The following PCF11 variants were observed in gnomAD, a reference collection of about 807,000 sequenced individuals.
PCF11 encodes PCF11 cleavage and polyadenylation factor subunit.
Under a neutral mutation model 166.1 loss-of-function variants are expected in PCF11, and 19 were observed. That is an observed-to-expected ratio of 0.11 (90% CI 0.08 to 0.17). PCF11 has a LOEUF of 0.17. Among genes scored for constraint, PCF11 ranks in the 10% least tolerant of loss-of-function variants. PCF11 has a pLI of 1.00. For missense variants in PCF11, 1,565 were observed against 1,855.5 expected (o/e 0.84, Z 2.88); for synonymous variants, 663 against 644.1 (o/e 1.03, Z -0.44).
At chr11:83,169,089 G>C in exon 8 of PCF11, 4 of 1,613,742 alleles carry the variant, frequency 2.5e-6, no homozygotes, top group East Asian at 2.2e-5. Context: ...TTAGATTTGA[G>C]GGGGGTCATG....
At chr11:83,181,136 C>T (rs1383479194) in exon 12 of PCF11, 4 of 1,611,100 alleles carry the variant, frequency 2.5e-6, no homozygotes, top group Admixed American at 1.7e-5. Flanking sequence ...CAAAATAGAA[C>T]TGAAAAGGAT....
Position 83,167,393 on chromosome 11 carries a change from T to G in PCF11, c.2002-22T>G, listed in dbSNP as rs1365906609. 4.5e-6 allele frequency: 7 copies of G among 1,539,018 alleles called. No individual in the cohort carries two copies. The South Asian group carries it at 9.0e-5, about 20-fold the overall frequency. On this transcript the variant is annotated intron_variant, in intron 6 of 15. Coordinates refer to ENST00000298281, the Ensembl canonical transcript of PCF11. This position sits in a 1 kb window ranked among gnomAD's most constrained non-coding sequence, Gnocchi z 4.2. The stretch of plus-strand genomic sequence containing the variant: ...TTTTTTATATTTAAAATATTTTATT[T>G]CCTTTTATCACCCCTATACAGACGA...
At chr11:83,159,266 C>T (rs552293066) in intron 1 of PCF11, among the ~76,000 whole-genome samples, 1 of 151,944 alleles carries the variant, frequency 6.6e-6, no homozygotes, top group Non-Finnish European at 1.5e-5. Flanking sequence ...TTTATTGATA[C>T]CACAAACATC....
At chr11:83,183,133 G>A in intron 15 of PCF11, 60 bp downstream of exon 15, 4 of 854,222 alleles carry the variant, frequency 4.7e-6, no homozygotes, top group Non-Finnish European at 6.9e-6. Flanking sequence ...TTACTTTTCA[G>A]TTTTTTTTTT....
chr11:83,173,462 A>C (rs1000937260), intron 9 of PCF11, among the ~76,000 whole-genome samples: 6 of 151,472 alleles, frequency 4.0e-5, no homozygotes, highest in Non-Finnish European at 8.8e-5. Context: ...TCAGAAAAAA[A>C]ACCAAAAACC....
chr11:83,166,000 C>T (rs776407386), exon 5 of PCF11: 3 of 1,597,384 alleles, frequency 1.9e-6, no homozygotes, highest in South Asian at 1.1e-5. Flanking sequence ...AAATCGAAAT[C>T]GAAATCACCC....
At chr11:83,157,750 C>A (rs1590916233) in intron 1 of PCF11, 119 bp downstream of exon 1, 1 of 880,254 alleles carries the variant, frequency 1.1e-6, no homozygotes. Context: ...CCAACCCCCC[C>A]ACCCCCCTCC....
At chr11:83,166,006 C>T (rs1273490942) in exon 5 of PCF11, 1 of 1,598,990 alleles carries the variant, frequency 6.3e-7, no homozygotes, top group Non-Finnish European at 8.5e-7. Context: ...AAATCGAAAT[C>T]ACCCTCACCT....
At position 83,184,594 on chromosome 11, in the gene PCF11, A is replaced by G. The variant is rs545377406; in HGVS notation, c.4453-85A>G. 4.5e-6 allele frequency: 4 copies of G among 892,496 alleles called. No homozygotes were observed. In the African/African-American group the frequency reaches 6.7e-5, roughly 15 times the overall value. The allele number at this position is 892,496 out of a possible 1,614,324, so 55.3% of individuals were successfully genotyped here. On this transcript the variant is annotated intron_variant, in intron 15 of 15. Coordinates refer to ENST00000298281, the Ensembl canonical transcript of PCF11. Reference sequence around the variant, plus strand: ...TGGTTGTATGTGTGTTCTCTTGTTCATACAAGGGTCTTACAAGACTAAATG... The same window carrying G: ...TGGTTGTATGTGTGTTCTCTTGTTCGTACAAGGGTCTTACAAGACTAAATG...
intron 9 of PCF11, among the ~76,000 whole-genome samples, chr11:83,176,661 G>A (rs1398931123): frequency 6.9e-6 from 1 of 145,796 alleles, no homozygotes; most frequent in Non-Finnish European, 1.5e-5. Flanking sequence ...ACAGGGCAGG[G>A]AACATCACAC....
At chr11:83,169,185 A>G (rs761463550) in exon 8 of PCF11, 2 of 1,612,698 alleles carry the variant, frequency 1.2e-6, no homozygotes, top group Admixed American at 1.7e-5. Flanking sequence ...TGCTACAGCA[A>G]GGGGTTGGAA....
In PCF11 at chr11:83,167,154, C is replaced by T. The variant is rs757497855; in HGVS notation, c.1847C>T (p.Pro616Leu). 4 of 1,613,158 alleles carry T rather than the reference C, an allele frequency of 2.5e-6. No homozygotes were observed. The South Asian group carries it at 3.3e-5, about 13-fold the overall frequency. The change falls in exon 6 of 16, where the codon CCT becomes CTT. Residue 616 changes from proline to leucine, a missense_variant. By Grantham distance (98) the Pro-to-Leu change is moderately conservative (BLOSUM62 -3). This residue lies in a region of PCF11 where 468 missense variants were observed against 483.4 expected (regional missense o/e 0.97). Coordinates refer to ENST00000298281, the Ensembl canonical transcript of PCF11. This position sits in a 1 kb window ranked among gnomAD's most constrained non-coding sequence, Gnocchi z 4.2. ...CAACAGGTTGATGAACATAGTAAAC[C>T]TCCTCATCTGAGGCATAGGGAGAGC...
Position 83,169,432 on chromosome 11 carries a change from G to A in PCF11, c.3097G>A (p.Gly1033Ser), listed in dbSNP as rs774336637. 1.9e-6 allele frequency: 3 copies of A among 1,613,700 alleles called. No homozygotes were observed. The highest frequency in any genetic ancestry group is 1.7e-6 in the Non-Finnish European group (2 of 1,179,860). The change falls in exon 8 of 16, where the codon GGT (glycine) becomes AGT (serine). Residue 1033 changes from glycine (G) to serine (S), a missense_variant. By Grantham distance (56) the Gly-to-Ser change is moderately conservative (BLOSUM62 0). Transcript: ENST00000298281. ...GGGTCAAGGTGGTCCAAGATTTGAA[G>A]GTTGTCATGCTTTAAGGTTTGATGG... is the stretch of plus-strand genomic sequence containing the variant.
intron 14 of PCF11, 94 bp downstream of exon 14, chr11:83,182,585 T>C (rs927708264): frequency 8.3e-5 from 55 of 665,572 alleles, no homozygotes; most frequent in Non-Finnish European, 1.2e-4. Context: ...ATAATAGTTT[T>C]TGTTTGATTT....
In PCF11 at chr11:83,184,813, T is replaced by TA; in HGVS notation, c.4588dup (p.Thr1530AsnfsTer15). 1.2e-6 allele frequency: 2 copies of TA among 1,606,888 alleles called. No individual in the cohort carries two copies. Among genetic ancestry groups the TA allele is most frequent in the Non-Finnish European group, 1.7e-6 (2 of 1,177,488 alleles). On this transcript the variant is annotated frameshift_variant, in exon 16 of 16. Transcript: ENST00000298281. LOFTEE classifies it high-confidence loss of function. ...CCAAAGTTAAGGAAGAACGAATTGA[T>TA]ACACCACCAGCTTGTACAGAGGAAA...
chr11:83,173,484 A>G (rs1398934177), intron 9 of PCF11, among the ~76,000 whole-genome samples: 2 of 150,866 alleles, frequency 1.3e-5, no homozygotes, highest in Non-Finnish European at 3.0e-5. Context: ...AAAAAAAAAC[A>G]TGATATGGTA....
intron 11 of PCF11, among the ~76,000 whole-genome samples, chr11:83,179,977 C>T (rs553355303): frequency 9.9e-4 from 150 of 152,106 alleles, no homozygotes; most frequent in Non-Finnish European, 1.8e-3. Context: ...TACTAACTCC[C>T]CTCCATGTAG....
chr11:83,183,586 G>T (rs1048758191), intron 15 of PCF11, among the ~76,000 whole-genome samples: 1 of 152,010 alleles, frequency 6.6e-6, no homozygotes, highest in African/African-American at 2.4e-5. Context: ...CACCTCCTGG[G>T]TTCAAGGGAT....
rs1446036382 is a variant in PCF11 at position 83,167,917 on chromosome 11, G to T, written c.2092+412G>T. The T allele has an allele frequency of 7.8e-7, 1 of 1,285,888 alleles. No homozygotes were observed. Among genetic ancestry groups the T allele is most frequent in the Non-Finnish European group, 1.0e-6 (1 of 988,632 alleles). 79.7% of individuals were successfully genotyped at this position (1,285,888 alleles called of 1,614,324 possible). ...GCTAAAGGTAGAAAAAGTTAAATCA[G>T]ATTATGCCTATTGAATCACACAGCA... On this transcript the variant is annotated intron_variant, in intron 7 of 15. Coordinates refer to ENST00000298281, the Ensembl canonical transcript of PCF11. The surrounding 1 kb of genome is among the most constrained non-coding windows in gnomAD (Gnocchi z 4.2).
Sources: allele counts gnomAD v4.1 joint callset (sites outside exome capture counted in the v4.1 genomes callset), GRCh38; gene constraint gnomAD v4.1.1; regional missense constraint gnomAD v4.1.1; non-coding constraint Gnocchi (gnomAD v3.1); transcripts MANE v1.5; gene names NCBI Gene and HGNC (gene_info 2026-07-23, HGNC 2026-07-21).